Variants in PLD5 observed in about 807,000 individuals in gnomAD.
PLD5 encodes the protein inactive phospholipase D5.
In PLD5, 36 loss-of-function variants were observed where a neutral mutation model predicts 61.1. The ratio of observed to expected loss-of-function variants is 0.59; its 90% CI spans 0.45 to 0.78. PLD5 has a LOEUF of 0.78. Ranked by LOEUF, PLD5 falls within the 30% of genes least tolerant of loss-of-function variation. The probability of loss-of-function intolerance (pLI) is 0.00; values close to 1 mark genes in which losing one functional copy is unlikely to be tolerated. For missense variants in PLD5, 515 were observed against 644.4 expected, an observed-to-expected ratio of 0.80 and a Z score of 2.17; for synonymous variants, 243 against 242.8, an observed-to-expected ratio of 1.00 and a Z score of -0.01.
At chr1:242,236,723 A>T (rs1671661179) in intron 4 of PLD5, among the ~76,000 whole-genome samples, 1 of 152,240 alleles carries the variant, frequency 6.6e-6, no homozygotes, top group Non-Finnish European at 1.5e-5. Flanking sequence ...CCTGGGGGAA[A>T]ATCACCTGCT....
At chr1:242,491,650 C>T (rs1333728408) in intron 1 of PLD5, among the ~76,000 whole-genome samples, 1 of 152,190 alleles carries the variant, frequency 6.6e-6, no homozygotes, top group African/African-American at 2.4e-5. Context: ...GTGCTCTCAA[C>T]CTTCTCTAGT....
chr1:242,265,487 C>G (rs753530284), intron 3 of PLD5, 39 bp from the exon 4 acceptor site: 3 of 1,526,436 alleles, frequency 2.0e-6, no homozygotes, highest in Non-Finnish European at 2.7e-6. Context: ...GTCAGAAAAC[C>G]TAAATGTTTA....
chr1:242,388,832 T>C (rs1662750349), intron 1 of PLD5, among the ~76,000 whole-genome samples: 1 of 152,098 alleles, frequency 6.6e-6, no homozygotes, highest in African/African-American at 2.4e-5. Flanking sequence ...GGCGGGGGCC[T>C]GTAATCCCAG....
At chr1:242,265,623 G>A (rs1558411465) in intron 3 of PLD5, among the ~76,000 whole-genome samples, 175 bp from the exon 4 acceptor site, 1 of 152,196 alleles carries the variant, frequency 6.6e-6, no homozygotes, top group Admixed American at 6.5e-5. Flanking sequence ...TATATCAATA[G>A]AGTAGTAGCA....
chr1:242,159,485 G>GA, intron 5 of PLD5, among the ~76,000 whole-genome samples: 1 of 152,206 alleles, frequency 6.6e-6, no homozygotes, highest in South Asian at 2.1e-4. Flanking sequence ...ATTTGTTATA[G>GA]AAAAATCTTT....
chr1:242,265,599 C>A (rs1035804318), intron 3 of PLD5, 151 bp from the exon 4 acceptor site: 15 of 728,216 alleles, frequency 2.1e-5, no homozygotes, highest in Non-Finnish European at 3.1e-5. Flanking sequence ...TTATGAAATT[C>A]TTTCAAAAGA....
At chr1:242,356,021 T>C (rs1660733281) in intron 1 of PLD5, among the ~76,000 whole-genome samples, 1 of 151,888 alleles carries the variant, frequency 6.6e-6, no homozygotes, top group Non-Finnish European at 1.5e-5. Flanking sequence ...CTGGAAAATG[T>C]TCTGTGTGCT....
At chr1:242,142,714 T>TTC (rs35627694) in intron 5 of PLD5, among the ~76,000 whole-genome samples, 13,806 of 89,878 alleles carry the variant, frequency 0.15, 721 homozygotes, top group South Asian at 0.32. Flanking sequence ...AGCTGTGTCT[T>TTC]TCTCTCTCTC....
chr1:242,213,717 G>GA (rs1028386926), intron 5 of PLD5, among the ~76,000 whole-genome samples: 3 of 151,032 alleles, frequency 2.0e-5, no homozygotes, highest in Non-Finnish European at 4.4e-5. Flanking sequence ...GGGAAATTGA[G>GA]AAAATAGAAC....
In PLD5 at chr1:242,288,379, G is replaced by A. The variant is rs1225162336; in HGVS notation, c.478C>T (p.His160Tyr). Residue 160 changes from histidine (H) to tyrosine (Y), a missense_variant, in exon 3 of 10, where the codon CAT becomes TAT. By Grantham distance (83) the His-to-Tyr change is moderately conservative. Transcript: ENST00000536534. ...VSSHWDLNHTHPSACQGQRLF... is the reference protein window; with the variant it reads ...VSSHWDLNHTYPSACQGQRLF... ...TAGCTTACCTGACATGCTGATGGATGAGTGTGGTTGAGATCCCAATGGGAA... is the reference window on the plus strand; with the variant it reads ...TAGCTTACCTGACATGCTGATGGATAAGTGTGGTTGAGATCCCAATGGGAA... 1.9e-6 allele frequency: 3 copies of A among 1,612,904 alleles called. No individual in the cohort carries two copies. Among genetic ancestry groups the A allele is most frequent in the Non-Finnish European group, 2.5e-6 (3 of 1,179,662 alleles).
intron 2 of PLD5, among the ~76,000 whole-genome samples, chr1:242,291,683 G>A (rs1675375104): frequency 6.6e-6 from 1 of 152,054 alleles, no homozygotes; most frequent in African/African-American, 2.4e-5. Flanking sequence ...GTGGGCGCCT[G>A]TAGTCCCAGC....
intron 2 of PLD5, among the ~76,000 whole-genome samples, chr1:242,306,377 C>A (rs1488440852): frequency 6.6e-6 from 1 of 151,756 alleles, no homozygotes; most frequent in Non-Finnish European, 1.5e-5. Flanking sequence ...TACTGTGATC[C>A]TGAACCTCCC....
At chr1:242,170,848 A>G (rs929498842) in intron 5 of PLD5, among the ~76,000 whole-genome samples, 3 of 151,122 alleles carry the variant, frequency 2.0e-5, no homozygotes, top group Non-Finnish European at 4.4e-5. Flanking sequence ...GAGAAAAAAG[A>G]ATGAAAAGGA....
rs113476083 is a variant in PLD5, at chr1:242,196,728, C to T, written c.735+23260G>A. Among the ~76,000 whole-genome samples the T allele has an allele frequency of 2.4e-3, 368 of 152,224 alleles. 5 individuals carry two copies. The highest frequency in any genetic ancestry group is 0.016 in the South Asian group (77 of 4,826). On this transcript the variant is annotated intron_variant, in intron 5 of 9. Transcript: ENST00000536534. Reference sequence around the variant, plus strand: ...AGAAATACATTTAAGCAATGTGATGCCTCTAGAATAGAAATAGGAAGCCCT... The same window carrying T: ...AGAAATACATTTAAGCAATGTGATGTCTCTAGAATAGAAATAGGAAGCCCT...
At chr1:242,456,518 AAACACCT>A (rs1666949355) in intron 1 of PLD5, among the ~76,000 whole-genome samples, 1 of 152,208 alleles carries the variant, frequency 6.6e-6, no homozygotes, top group Non-Finnish European at 1.5e-5. Context: ...AAAGTGACTG[AAACACCT>A]GCAGGCTGAG....
chr1:242,223,449 C>A (rs565539338), intron 4 of PLD5, among the ~76,000 whole-genome samples: 7 of 152,286 alleles, frequency 4.6e-5, no homozygotes, highest in South Asian at 4.2e-4. Flanking sequence ...TATCAGGGAA[C>A]CCCAAGTGAA....
chr1:242,406,117 C>G (rs1188599176), intron 1 of PLD5, among the ~76,000 whole-genome samples: 1 of 152,132 alleles, frequency 6.6e-6, no homozygotes, highest in Non-Finnish European at 1.5e-5. Flanking sequence ...ACAAACCTGT[C>G]CTCTGCTCCC....
chr1:242,261,820 A>G (rs1673389208), intron 4 of PLD5, among the ~76,000 whole-genome samples: 1 of 152,244 alleles, frequency 6.6e-6, no homozygotes, highest in South Asian at 2.1e-4. Context: ...AAATAAAACA[A>G]GGTGCCAAAT....
intron 4 of PLD5, among the ~76,000 whole-genome samples, chr1:242,263,005 C>A (rs995379136): frequency 3.9e-5 from 6 of 152,072 alleles, no homozygotes; most frequent in South Asian, 2.1e-4. Flanking sequence ...CAGTTTGAGA[C>A]CTTGGAGAGA....
Sources: gnomAD v4.1 joint callset for allele counts (sites outside exome capture counted in the v4.1 genomes callset) on GRCh38, gnomAD v4.1.1 for gene constraint, MANE v1.5 for transcripts, NCBI Gene and HGNC (gene_info 2026-07-23, HGNC 2026-07-21) for gene names.